Variants in LHCGR observed in about 807,000 individuals in gnomAD.
LHCGR encodes the protein luteinizing hormone/choriogonadotropin receptor.
In LHCGR, 55 loss-of-function variants were observed where a neutral mutation model predicts 60.7. That is an observed-to-expected ratio of 0.91 (90% CI 0.73 to 1.13). LHCGR has a LOEUF of 1.13. Ranked by LOEUF, LHCGR falls within the 50% of genes most tolerant of loss-of-function variation. The pLI, the probability that LHCGR is intolerant of heterozygous loss-of-function variation, is 0.00. For synonymous variants in LHCGR, 337 were observed against 316.5 expected (o/e 1.06, Z -0.69); for missense variants, 862 against 836.0 (o/e 1.03, Z -0.38).
intron 6 of LHCGR, 51 bp from the exon 7 acceptor site, chr2:48,714,105 G>T: frequency 7.5e-7 from 1 of 1,327,422 alleles, no homozygotes; most frequent in Non-Finnish European, 1.1e-6. Context: ...GAAAGAAACA[G>T]TTTGGAAACA....
At chr2:48,729,114 T>G in intron 3 of LHCGR, 39 bp downstream of exon 3, 2 of 1,436,542 alleles carry the variant, frequency 1.4e-6, no homozygotes, top group Non-Finnish European at 2.0e-6. Flanking sequence ...GTGAGGGTAA[T>G]AGTGTACAGC....
At chr2:48,708,342 A>G (rs2104417663) in intron 8 of LHCGR, among the ~76,000 whole-genome samples, 1 of 152,276 alleles carries the variant, frequency 6.6e-6, no homozygotes, top group African/African-American at 2.4e-5. Context: ...CTTTGCCAGC[A>G]CATGAGGCCA....
chr2:48,704,569 CT>C (rs1489280324), intron 8 of LHCGR, among the ~76,000 whole-genome samples: 1 of 152,110 alleles, frequency 6.6e-6, no homozygotes, highest in African/African-American at 2.4e-5. Context: ...ATTTCAGGAC[CT>C]GTTATTGGTC....
intron 6 of LHCGR, among the ~76,000 whole-genome samples, chr2:48,719,806 G>A (rs1668422472): frequency 6.6e-6 from 1 of 152,178 alleles, no homozygotes; most frequent in African/African-American, 2.4e-5. Flanking sequence ...CACTAATAAT[G>A]AAAAGAGAAG....
intron 9 of LHCGR, 42 bp downstream of exon 9, chr2:48,698,573 T>G (rs1434726690): frequency 1.3e-6 from 2 of 1,537,312 alleles, no homozygotes; most frequent in Middle Eastern, 1.8e-4. Context: ...TCTGAATTTC[T>G]GCCACAGCTT....
chr2:48,733,765 T>G lies in LHCGR; in HGVS notation c.162-2467A>C, dbSNP rs140243741. ...ACCATTTTCCCTACAGACTTATATG[T>G]TTTTTTTTTCAGAAATGTCACATCT... On this transcript the variant is annotated intron_variant, in intron 1 of 10. Coordinates refer to ENST00000294954, the MANE Select transcript of LHCGR (RefSeq NM_000233.4). Among the ~76,000 whole-genome samples the G allele has an allele frequency of 2.0e-5, 3 of 148,172 alleles. No individual in the cohort carries two copies. In the East Asian group the frequency reaches 5.9e-4, roughly 29 times the overall value.
At chr2:48,707,263 T>G (rs1667732792) in intron 8 of LHCGR, among the ~76,000 whole-genome samples, 1 of 152,250 alleles carries the variant, frequency 6.6e-6, no homozygotes, top group Non-Finnish European at 1.5e-5. Flanking sequence ...TCCTTCCTCT[T>G]GAAGCTTTGT....
At chr2:48,694,364 T>C in intron 9 of LHCGR, 60 bp from the exon 10 acceptor site, 1 of 985,882 alleles carries the variant, frequency 1.0e-6, no homozygotes, top group African/African-American at 1.6e-5. Context: ...TAAACCTGAC[T>C]GTGCGTCTAT....
Position 48,713,995 on chromosome 2 carries a change from A to G in LHCGR, c.596T>C (p.Leu199Pro). Residue 199 changes from leucine to proline, a missense_variant, in exon 7 of 11, where the codon CTG becomes CCG. Coordinates refer to ENST00000294954, the MANE Select transcript of LHCGR (RefSeq NM_000233.4). ...ATAAGCAAATACTTACAGTGAAGTC[A>G]GTGTCGTCCCATTGAATGCATGACT... is the stretch of plus-strand genomic sequence containing the variant. ...VQSHAFNGTT[L>P]TSLELKENVH... The G allele has an allele frequency of 6.2e-7, 1 of 1,607,276 alleles. No individual in the cohort carries two copies. The highest frequency in any genetic ancestry group is 8.5e-7 in the Non-Finnish European group (1 of 1,173,770).
chr2:48,736,381 C>G lies in LHCGR; in HGVS notation c.162-5083G>C, dbSNP rs186046553. ...TTCTTACCTGGGCCCTGACTTGATC[C>G]CCTTCCCAGCCAAATCCAATTGCCA... On this transcript the variant is annotated intron_variant, in intron 1 of 10. Coordinates refer to ENST00000294954, the MANE Select transcript of LHCGR (RefSeq NM_000233.4). Among the ~76,000 whole-genome samples the G allele has an allele frequency of 8.5e-5, 13 of 152,250 alleles. No individual in the cohort carries two copies. In the East Asian group the frequency reaches 2.1e-3, roughly 25 times the overall value.
At chr2:48,704,759 G>A (rs1044764079) in intron 8 of LHCGR, among the ~76,000 whole-genome samples, 24 of 151,986 alleles carry the variant, frequency 1.6e-4, no homozygotes, top group Admixed American at 5.9e-4. Context: ...TTTTTATTGC[G>A]TCTATTTGAT....
chr2:48,707,681 AG>A (rs1667761320), intron 8 of LHCGR, among the ~76,000 whole-genome samples: 2 of 152,350 alleles, frequency 1.3e-5, no homozygotes, highest in South Asian at 4.1e-4. Context: ...TTGTTTACAC[AG>A]TGTGCATAAA....
At chr2:48,750,857 G>C (rs1394555675) in intron 1 of LHCGR, among the ~76,000 whole-genome samples, 3 of 152,182 alleles carry the variant, frequency 2.0e-5, no homozygotes, top group African/African-American at 7.2e-5. Flanking sequence ...AGATACTTTT[G>C]GTTGTCACAA....
chr2:48,690,912 T>C (rs1326537791), intron 10 of LHCGR, among the ~76,000 whole-genome samples: 1 of 152,248 alleles, frequency 6.6e-6, no homozygotes, highest in African/African-American at 2.4e-5. Context: ...GCTCAGAGTG[T>C]TCATTCAATA....
At position 48,755,661 on chromosome 2, in the gene LHCGR, C is replaced by A; in HGVS notation, c.11G>T (p.Arg4Leu). The A allele has an allele frequency of 2.0e-6, 3 of 1,535,184 alleles. No individual in the cohort carries two copies. Among genetic ancestry groups the A allele is most frequent in the South Asian group, 1.2e-5 (1 of 83,912 alleles). MKQRFSALQLLKLL... is the reference protein window; with the variant it reads MKQLFSALQLLKLL... ...CTTCAGCAGCTGCAGCGCCGAGAAC[C>A]GCTGCTTCATGGCCGGCGAACTGGG... Residue 4 changes from arginine to leucine, a missense_variant, in exon 1 of 11, where the codon CGG (arginine) becomes CTG (leucine). Arg to Leu is a moderately radical substitution (Grantham distance 102). Coordinates refer to ENST00000294954, the MANE Select transcript of LHCGR (RefSeq NM_000233.4).
chr2:48,706,057 C>G (rs1006122463), intron 8 of LHCGR, among the ~76,000 whole-genome samples: 3 of 152,176 alleles, frequency 2.0e-5, no homozygotes, highest in Admixed American at 6.5e-5. Flanking sequence ...ATGTTTAGTG[C>G]TTCCTTTAGG....
chr2:48,713,604 A>G (rs1167012044), intron 7 of LHCGR, among the ~76,000 whole-genome samples: 5 of 152,184 alleles, frequency 3.3e-5, no homozygotes, highest in African/African-American at 1.2e-4. Context: ...CAAGACTGGT[A>G]AATGGTGGTG....
intron 1 of LHCGR, chr2:48,732,777 G>C (rs1669054026): frequency 4.0e-6 from 2 of 503,412 alleles, no homozygotes; most frequent in Admixed American, 2.2e-5. Context: ...TTCCTCCCTA[G>C]GTGCTAATAG....
At position 48,688,800 on chromosome 2, in the gene LHCGR, A is replaced by T; in HGVS notation, c.997T>A (p.Tyr333Asn). The T allele has an allele frequency of 6.2e-7, 1 of 1,614,172 alleles. No individual in the cohort carries two copies. The highest frequency in any genetic ancestry group is 1.1e-5 in the South Asian group (1 of 91,084). ...GGTGTCTTGGGTAAGCAGAAACCAT[A>T]TTCATAGTCCCAGCCACTCAGTTCA... ...ESELSGWDYE[Y>N]GFCLPKTPRC... The change falls in exon 11 of 11, where the codon TAT (tyrosine) becomes AAT (asparagine). Residue 333 changes from tyrosine to asparagine, a missense_variant. Physicochemically the swap from Tyr to Asn is moderately radical, Grantham distance 143 (BLOSUM62 -2). Coordinates refer to ENST00000294954, the MANE Select transcript of LHCGR (RefSeq NM_000233.4). The surrounding 1 kb of genome is among the most constrained non-coding windows in gnomAD (Gnocchi z 5.2).
Sources: gnomAD v4.1 joint callset for allele counts (sites outside exome capture counted in the v4.1 genomes callset) on GRCh38, gnomAD v4.1.1 for gene constraint, Gnocchi (gnomAD v3.1) non-coding constraint, MANE v1.5 for transcripts, NCBI Gene and HGNC (gene_info 2026-07-23, HGNC 2026-07-21) for gene names.